Variants in APBB2 observed in about 807,000 individuals in gnomAD.
The protein encoded by APBB2 is Fe65-like 1.
Under a neutral mutation model 82.5 loss-of-function variants are expected in APBB2, and 38 were observed. The observed-to-expected ratio is 0.46, with a 90% confidence interval of 0.36 to 0.60. The LOEUF is 0.60. Ranked by LOEUF, APBB2 falls within the 20% of genes least tolerant of loss-of-function variation. APBB2 has a pLI of 0.00. For synonymous variants in APBB2, 341 were observed against 368.2 expected (o/e 0.93, Z 0.85); for missense variants, 772 against 972.3 (o/e 0.79, Z 2.74).
At chr4:41,211,210 G>A (rs953292834) in intron 1 of APBB2, among the ~76,000 whole-genome samples, 4 of 151,806 alleles carry the variant, frequency 2.6e-5, no homozygotes, top group African/African-American at 7.3e-5. Context: ...AGCCAAGATC[G>A]CGCCACTACA....
chr4:40,888,983 A>G (rs1457421651), intron 12 of APBB2, among the ~76,000 whole-genome samples: 3 of 152,274 alleles, frequency 2.0e-5, no homozygotes, highest in African/African-American at 7.2e-5. Context: ...AAATATCACC[A>G]GAGAGCTTCC....
Position 40,810,704 on chromosome 4 carries a change from A to AAGAT in APBB2, c.*5384_*5387dup, listed in dbSNP as rs1411221385. On this transcript the variant is annotated 3_prime_UTR_variant, in exon 18 of 18. Transcript: ENST00000508593. ...CTTCATGTTATCACTCTTGTACAGAAAGATATAAAGTGCTCAGCTTATTTT... is the reference window on the plus strand; with the variant it reads ...CTTCATGTTATCACTCTTGTACAGAAAGATAGATATAAAGTGCTCAGCTTATTTT... 2 of 152,208 alleles carry AAGAT rather than the reference A, an allele frequency of 1.3e-5. No individual in the cohort carries two copies. Among genetic ancestry groups the AAGAT allele is most frequent in the Non-Finnish European group, 2.9e-5 (2 of 68,034 alleles). The allele number at this position is 152,208 out of a possible 1,614,324, so 9.4% of individuals were successfully genotyped here. A position where few individuals can be genotyped will look rare whatever the true frequency, so the allele number is the denominator to read the frequency against.
chr4:40,909,924 A>G (rs1403655550), intron 10 of APBB2, among the ~76,000 whole-genome samples: 2 of 152,164 alleles, frequency 1.3e-5, no homozygotes, highest in Non-Finnish European at 2.9e-5. Context: ...TAGGTGCTGT[A>G]TTTCTTATTT....
At chr4:40,962,834 A>C (rs1226482989) in intron 6 of APBB2, among the ~76,000 whole-genome samples, 1 of 152,200 alleles carries the variant, frequency 6.6e-6, no homozygotes, top group African/African-American at 2.4e-5. Context: ...GACATCCAAA[A>C]AAGATTCAGA....
intron 1 of APBB2, among the ~76,000 whole-genome samples, chr4:41,211,982 A>G (rs1779436857): frequency 6.6e-6 from 1 of 152,134 alleles, no homozygotes; most frequent in Non-Finnish European, 1.5e-5. Flanking sequence ...TCTATTAGCT[A>G]TTCTTCCTGA....
intron 12 of APBB2, among the ~76,000 whole-genome samples, chr4:40,851,751 T>A (rs1308166193): frequency 1.3e-4 from 18 of 134,826 alleles, no homozygotes; most frequent in Non-Finnish European, 2.6e-4. Flanking sequence ...TTTTTTTTTT[T>A]TTTTTTTCAA....
intron 5 of APBB2, among the ~76,000 whole-genome samples, chr4:41,030,066 G>A (rs1404866120): frequency 6.6e-6 from 1 of 152,182 alleles, no homozygotes; most frequent in Non-Finnish European, 1.5e-5. Flanking sequence ...TGAGGCAGGA[G>A]AATCACTTGA....
chr4:41,132,354 A>C (rs1433169635), intron 2 of APBB2, among the ~76,000 whole-genome samples: 9 of 152,212 alleles, frequency 5.9e-5, no homozygotes, highest in Non-Finnish European at 8.8e-5. Flanking sequence ...CCTTTGTCTA[A>C]GGGTTTTAAT....
At chr4:41,151,518 C>T (rs1326972654) in intron 1 of APBB2, among the ~76,000 whole-genome samples, 1 of 152,154 alleles carries the variant, frequency 6.6e-6, no homozygotes, top group Non-Finnish European at 1.5e-5. Flanking sequence ...GGAATCTCTC[C>T]TTCCGGAAGT....
At chr4:40,827,872 C>T (rs531905624) in intron 13 of APBB2, among the ~76,000 whole-genome samples, 2 of 152,234 alleles carry the variant, frequency 1.3e-5, no homozygotes, top group African/African-American at 4.8e-5. Context: ...AATTGTAGCT[C>T]CCTTAATTCC....
chr4:40,884,695 TG>T (rs11343003), intron 12 of APBB2, among the ~76,000 whole-genome samples: 5,399 of 152,214 alleles, frequency 0.035, 250 homozygotes, highest in African/African-American at 0.11. Flanking sequence ...CCCAGGAATT[TG>T]GAGGCTGCAG....
intron 1 of APBB2, among the ~76,000 whole-genome samples, chr4:41,146,879 G>A (rs886882353): frequency 2.6e-5 from 4 of 152,196 alleles, no homozygotes; most frequent in Admixed American, 1.3e-4. Context: ...GCCGCGGCCC[G>A]GGCTGATGTG....
At chr4:40,996,982 A>G (rs1258077566) in intron 6 of APBB2, among the ~76,000 whole-genome samples, 1 of 152,088 alleles carries the variant, frequency 6.6e-6, no homozygotes, top group Admixed American at 6.6e-5. Context: ...TCAACCATCA[A>G]GCCTCCCAGA....
chr4:41,074,923 T>C (rs1005674467), intron 3 of APBB2, among the ~76,000 whole-genome samples: 4 of 152,120 alleles, frequency 2.6e-5, no homozygotes, highest in African/African-American at 9.7e-5. Flanking sequence ...CCGAGGTAAG[T>C]GGACCACCTG....
chr4:41,001,964 G>A (rs1200057060), intron 6 of APBB2, among the ~76,000 whole-genome samples: 2 of 152,012 alleles, frequency 1.3e-5, no homozygotes, highest in Non-Finnish European at 2.9e-5. Context: ...CAACACCAAT[G>A]GCTGGGGTCA....
At chr4:40,846,045 T>C (rs1414757453) in intron 12 of APBB2, among the ~76,000 whole-genome samples, 2 of 140,782 alleles carry the variant, frequency 1.4e-5, no homozygotes, top group Non-Finnish European at 1.5e-5. Context: ...TGTGTGTGTG[T>C]GTCATTTATC....
chr4:40,854,768 G>A (rs1251106018), intron 12 of APBB2, among the ~76,000 whole-genome samples: 3 of 139,054 alleles, frequency 2.2e-5, no homozygotes, highest in African/African-American at 8.4e-5. Flanking sequence ...CAGCCTGGGC[G>A]ATAAGAGCGA....
intron 5 of APBB2, among the ~76,000 whole-genome samples, chr4:41,024,859 A>G (rs1026521312): frequency 1.3e-5 from 2 of 152,264 alleles, no homozygotes; most frequent in African/African-American, 4.8e-5. Context: ...GCAAGCCTCC[A>G]TAACAGCCAT....
intron 12 of APBB2, among the ~76,000 whole-genome samples, chr4:40,877,360 A>C (rs1403123015): frequency 6.6e-6 from 1 of 152,194 alleles, no homozygotes; most frequent in Non-Finnish European, 1.5e-5. Context: ...TTCTCTCAAA[A>C]GACAACTCAA....
Sources: gnomAD v4.1 joint callset for allele counts (sites outside exome capture counted in the v4.1 genomes callset) on GRCh38, gnomAD v4.1.1 for gene constraint, MANE v1.5 for transcripts, NCBI Gene and HGNC (gene_info 2026-07-23, HGNC 2026-07-21) for gene names.